The following TBX1 variants were observed in gnomAD, a reference collection of about 807,000 sequenced individuals.
TBX1 encodes T-box transcription factor TBX1.
Under a neutral mutation model 40.8 loss-of-function variants are expected in TBX1, and 16 were observed. The ratio of observed to expected loss-of-function variants is 0.39; its 90% confidence interval spans 0.27 to 0.60. The LOEUF is 0.60. Ranked by LOEUF, TBX1 falls within the 20% of genes least tolerant of loss-of-function variation. The pLI, the probability that TBX1 is intolerant of heterozygous loss-of-function variation, is 0.51. For missense variants in TBX1, 755 were observed against 728.5 expected, an observed-to-expected ratio of 1.04 and a Z score of -0.42; for synonymous variants, 403 against 336.8, an observed-to-expected ratio of 1.20 and a Z score of -2.15.
chr22:19,782,034 A>G (rs1310131808), downstream of TBX1, among the ~76,000 whole-genome samples: 1 of 152,250 alleles, frequency 6.6e-6, no homozygotes, highest in Non-Finnish European at 1.5e-5. Flanking sequence ...CCTTTATGCC[A>G]GTACCACACT....
chr22:19,779,439 TGTC>T (rs749905463), exon 9 of TBX1: 6 of 1,613,842 alleles, frequency 3.7e-6, no homozygotes, highest in Non-Finnish European at 5.1e-6. Context: ...CACATGGAGT[TGTC>T]GTGTTTCCCT....
upstream of TBX1, among the ~76,000 whole-genome samples, chr22:19,757,858 CAGAATGACTACTCA>C (rs1485660150): frequency 6.6e-6 from 1 of 152,176 alleles, no homozygotes; most frequent in Non-Finnish European, 1.5e-5. Flanking sequence ...TGTCATGGCC[CAGAATGACTACTCA>C]GGGCAAGAAA....
In TBX1 at chr22:19,766,888, C is replaced by A. The variant is rs371856634; in HGVS notation, c.*21C>A. 1.9e-6 allele frequency: 3 copies of A among 1,583,538 alleles called. No individual in the cohort carries two copies. Among genetic ancestry groups the A allele is most frequent in the Non-Finnish European group, 2.6e-6 (3 of 1,173,124 alleles). On this transcript the variant is annotated 3_prime_UTR_variant, in exon 7 of 7. Coordinates refer to ENST00000649276, the MANE Select transcript of TBX1 (RefSeq NM_001379200.1). ...GATAACACGGGCCCTGTCGCGCTCCCGCCCCGGTCCTGCACAGCCCCGAAG... is the reference window on the plus strand; with the variant it reads ...GATAACACGGGCCCTGTCGCGCTCCAGCCCCGGTCCTGCACAGCCCCGAAG...
upstream of TBX1, chr22:19,759,353 T>G: frequency 5.2e-6 from 2 of 381,548 alleles, no homozygotes; most frequent in Non-Finnish European, 7.2e-6. Flanking sequence ...CATGACGCCA[T>G]AATCCTCTGG....
chr22:19,775,752 C>T (rs1453400972), intron 8 of TBX1, among the ~76,000 whole-genome samples: 1 of 152,186 alleles, frequency 6.6e-6, no homozygotes, highest in South Asian at 2.1e-4. Context: ...GCCAGGAGCT[C>T]CCAAGTCCCA....
chr22:19,761,977 G>T (rs917802166), intron 1 of TBX1, among the ~76,000 whole-genome samples: 2 of 152,228 alleles, frequency 1.3e-5, no homozygotes, highest in African/African-American at 4.8e-5. Context: ...AGACAAAGGC[G>T]GGTGCCGCGC....
At chr22:19,759,322 A>G (rs1337268536), upstream of TBX1, among the ~76,000 whole-genome samples, 1 of 152,100 alleles carries the variant, frequency 6.6e-6, no homozygotes, top group Non-Finnish European at 1.5e-5. Context: ...CTCGGCTGCT[A>G]CCAGCCCCAA....
chr22:19,764,218 C>G lies in TBX1; in HGVS notation c.603C>G (p.Arg201=). 1 of 1,613,100 alleles carries G rather than the reference C, an allele frequency of 6.2e-7. No individual in the cohort carries two copies. Among genetic ancestry groups the G allele is most frequent in the Non-Finnish European group, 8.5e-7 (1 of 1,179,940 alleles). ...AGGCCGACCCTGCCACGCCAGGCCGCGTGCACTACCACCCGGACTCGCCTG... is the reference window on the plus strand; with the variant it reads ...AGGCCGACCCTGCCACGCCAGGCCGGGTGCACTACCACCCGGACTCGCCTG... ...AGKADPATPG[R]VHYHPDSPAK... Residue 201 remains arginine (R), a synonymous_variant, in exon 3 of 7, where the codon CGC becomes CGG. Transcript: ENST00000649276.
At chr22:19,771,449 C>G (rs1286277135), downstream of TBX1, among the ~76,000 whole-genome samples, 1 of 152,248 alleles carries the variant, frequency 6.6e-6, no homozygotes, top group Non-Finnish European at 1.5e-5. Flanking sequence ...TGGGAAACAG[C>G]AGAACCAGAA....
downstream of TBX1, chr22:19,779,673 A>G (rs1288395291): frequency 7.7e-6 from 6 of 782,450 alleles, no homozygotes; most frequent in Non-Finnish European, 9.2e-6. Context: ...TATTTAATGG[A>G]AACTACAAGC....
intron 8 of TBX1, among the ~76,000 whole-genome samples, chr22:19,774,690 C>CT (rs1158997654): frequency 5.3e-5 from 8 of 152,162 alleles, no homozygotes; most frequent in Non-Finnish European, 1.2e-4. Context: ...CCCTGAGGTC[C>CT]TTATGCTCCG....
chr22:19,773,107 T>C (rs1445820878), intron 8 of TBX1, among the ~76,000 whole-genome samples: 2 of 152,204 alleles, frequency 1.3e-5, no homozygotes, highest in Non-Finnish European at 2.9e-5. Flanking sequence ...GCACGGGCGT[T>C]GAGCTGAGGC....
At position 19,767,098 on chromosome 22, in the gene TBX1, C is replaced by T. The variant is rs1177526237; in HGVS notation, c.*231C>T. 3.2e-6 allele frequency: 4 copies of T among 1,259,554 alleles called. No individual in the cohort carries two copies. The highest frequency in any genetic ancestry group is 4.0e-6 in the Non-Finnish European group (4 of 1,004,732). The allele number at this position is 1,259,554 out of a possible 1,614,324, so 78.0% of individuals were successfully genotyped here. A position where few individuals can be genotyped will look rare whatever the true frequency, so the allele number is the denominator to read the frequency against. On this transcript the variant is annotated 3_prime_UTR_variant, in exon 7 of 7. Transcript: ENST00000649276. The stretch of plus-strand genomic sequence containing the variant: ...CCTGGAGCCACCGCGGGTCCTTCCC[C>T]GGCCCCGAGGGCCAAGGGGGTCCCC...
intron 8 of TBX1, among the ~76,000 whole-genome samples, chr22:19,777,193 T>C (rs1182707151): frequency 2.0e-5 from 3 of 152,148 alleles, no homozygotes; most frequent in African/African-American, 7.2e-5. Flanking sequence ...GTATGTCTCC[T>C]AATGCTATCC....
At chr22:19,764,396 A>C (rs1222503641) in intron 3 of TBX1, 70 bp downstream of exon 3, 4 of 1,587,620 alleles carry the variant, frequency 2.5e-6, no homozygotes, top group Non-Finnish European at 2.6e-6. Context: ...GCCTGTCCCT[A>C]AGAGGCCTGT....
chr22:19,759,719 C>A (rs777500988), upstream of TBX1: 1 of 1,607,398 alleles, frequency 6.2e-7, no homozygotes, highest in Non-Finnish European at 8.5e-7. Context: ...GCCCGCCAGA[C>A]CCCCTGCCTC....
At chr22:19,783,184 C>T (rs13055776), downstream of TBX1, 43,274 of 658,712 alleles carry the variant, frequency 0.066, 2,135 homozygotes, top group African/African-American at 0.19. Flanking sequence ...AAATTCCCGA[C>T]CCACGGAGCC....
upstream of TBX1, among the ~76,000 whole-genome samples, chr22:19,759,897 C>T (rs1601280405): frequency 6.6e-6 from 1 of 152,228 alleles, no homozygotes; most frequent in African/African-American, 2.4e-5. Flanking sequence ...CTCAGGTATA[C>T]ACAGGCCCGG....
downstream of TBX1, chr22:19,783,540 A>AC (rs572240649): frequency 5.3e-5 from 10 of 187,112 alleles, no homozygotes; most frequent in South Asian, 9.6e-4. Context: ...ACAGAGTGAG[A>AC]CCCCCACTGT....
Sources: allele counts gnomAD v4.1 joint callset (sites outside exome capture counted in the v4.1 genomes callset), GRCh38; gene constraint gnomAD v4.1.1; transcripts MANE v1.5; gene names NCBI Gene and HGNC (gene_info 2026-07-23, HGNC 2026-07-21).